The following ANO10 variants were observed in gnomAD, a reference collection of about 807,000 sequenced individuals.
ANO10 encodes anoctamin 10.
A neutral mutation model predicts 74.7 loss-of-function variants in ANO10; 77 were observed. That is an observed-to-expected ratio of 1.03 (90% confidence interval 0.86 to 1.25). ANO10 has a LOEUF of 1.25. ANO10 is among the 50% of genes most tolerant of loss of function. The pLI is 0.00. For synonymous variants in ANO10, 279 were observed against 284.9 expected, an observed-to-expected ratio of 0.98 and a Z score of 0.21; for missense variants, 721 against 778.1, an observed-to-expected ratio of 0.93 and a Z score of 0.87.
In ANO10 at chr3:43,366,887, AGCTGGGCAC is replaced by A. The variant is rs141722980; in HGVS notation, c.*10_*18del. ...AGACACAGGCCTCTGCCAACAGGGC[AGCTGGGCAC>A]GCTGGGCACTCAGGTTGCCTTCTCC... On this transcript the variant is annotated 3_prime_UTR_variant, in exon 13 of 13. Coordinates refer to ENST00000292246, the MANE Select transcript of ANO10 (RefSeq NM_018075.5). The A allele has an allele frequency of 4.5e-6, 7 of 1,572,664 alleles. No homozygotes were observed. Among genetic ancestry groups the A allele is most frequent in the Non-Finnish European group, 6.0e-6 (7 of 1,158,734 alleles).
chr3:43,442,035 A>G (rs1437428136), intron 11 of ANO10, among the ~76,000 whole-genome samples: 2 of 152,188 alleles, frequency 1.3e-5, no homozygotes, highest in African/African-American at 2.4e-5. Flanking sequence ...AAAAGCCTAG[A>G]GCTAACGTCA....
chr3:43,643,641 A>G (rs2149564725), intron 1 of ANO10, among the ~76,000 whole-genome samples: 2 of 144,618 alleles, frequency 1.4e-5, no homozygotes, highest in South Asian at 4.4e-4. Flanking sequence ...TTTGGAGCTT[A>G]TCCATTGTTA....
rs367909653 is a variant in ANO10, at chr3:43,523,157, C to T, written c.1797+26563G>A. ...GCAAACCAATATTCAAACCTGTCAA[C>T]TTAAGCTAAGTATGCCTGAAAAGGG... is the stretch of plus-strand genomic sequence containing the variant. On this transcript the variant is annotated intron_variant, in intron 11 of 12. Transcript: ENST00000292246. 1.1e-4 allele frequency among the ~76,000 whole-genome samples: 16 copies of T among 152,266 alleles called. 1 individual carries two copies. Among genetic ancestry groups the T allele is most frequent in the East Asian group, 7.7e-4 (4 of 5,176 alleles).
At chr3:43,469,672 G>A (rs932619510) in intron 11 of ANO10, among the ~76,000 whole-genome samples, 1 of 152,118 alleles carries the variant, frequency 6.6e-6, no homozygotes, top group Non-Finnish European at 1.5e-5. Flanking sequence ...CCCCCACTAA[G>A]GAAGTCCATG....
chr3:43,467,949 ACT>A (rs1226602431), intron 11 of ANO10, among the ~76,000 whole-genome samples: 1 of 152,230 alleles, frequency 6.6e-6, no homozygotes, highest in East Asian at 1.9e-4. Flanking sequence ...ATGGAAAAAC[ACT>A]GACACTTTAT....
intron 4 of ANO10, among the ~76,000 whole-genome samples, chr3:43,587,516 C>T (rs577302949): frequency 2.2e-4 from 34 of 152,238 alleles, no homozygotes; most frequent in African/African-American, 7.0e-4. Context: ...TGGGACCTGA[C>T]GGATCATAGC....
At chr3:43,612,079 G>A (rs550987472) in intron 1 of ANO10, among the ~76,000 whole-genome samples, 300 of 141,078 alleles carry the variant, frequency 2.1e-3, no homozygotes, top group Middle Eastern at 4.0e-3. Flanking sequence ...ACCACTATCT[G>A]CAAAAATATG....
At position 43,549,818 on chromosome 3, in the gene ANO10, C is replaced by A. The variant is rs1228869520; in HGVS notation, c.1699G>T (p.Val567Leu). Residue 567 changes from valine (V) to leucine (L), a missense_variant, in exon 11 of 13, where the codon GTG becomes TTG. By Grantham distance (32) the Val-to-Leu change is conservative. Coordinates refer to ENST00000292246, the MANE Select transcript of ANO10 (RefSeq NM_018075.5). The stretch of plus-strand genomic sequence containing the variant: ...CCAATCAGCGCACAGTTAGTGACCA[C>A]AGATATAACACTCATCGTTTCAAAA... Reference protein sequence around the residue: ...LAFETMSVISVVTNCALIGMS... With the variant: ...LAFETMSVISLVTNCALIGMS... The A allele has an allele frequency of 6.2e-7, 1 of 1,613,950 alleles. No homozygotes were observed. Among genetic ancestry groups the A allele is most frequent in the Non-Finnish European group, 8.5e-7 (1 of 1,179,888 alleles).
At chr3:43,530,371 G>C (rs972876105) in intron 11 of ANO10, among the ~76,000 whole-genome samples, 1 of 150,774 alleles carries the variant, frequency 6.6e-6, no homozygotes, top group Non-Finnish European at 1.5e-5. Context: ...TACACGTTAT[G>C]TTTAACAGGA....
chr3:43,416,712 T>C (rs1044166033), intron 12 of ANO10, among the ~76,000 whole-genome samples: 1 of 152,194 alleles, frequency 6.6e-6, no homozygotes, highest in Non-Finnish European at 1.5e-5. Context: ...AAACATGACA[T>C]AGTCAGAACC....
intron 8 of ANO10, among the ~76,000 whole-genome samples, chr3:43,562,551 C>G (rs902540459): frequency 1.3e-5 from 2 of 150,824 alleles, no homozygotes; most frequent in Non-Finnish European, 2.9e-5. Flanking sequence ...CGTGGTGGCG[C>G]ACATCTGTAA....
At chr3:43,420,550 T>G (rs1171669905) in intron 12 of ANO10, among the ~76,000 whole-genome samples, 1 of 152,142 alleles carries the variant, frequency 6.6e-6, no homozygotes, top group African/African-American at 2.4e-5. Flanking sequence ...GAATACTGTT[T>G]GTTACAGTAA....
rs563795884 is a variant in ANO10, at chr3:43,685,548, A to G, written c.-12+5969T>C. ...ACATGAGAAAGGTCAGACCCCCAGA[A>G]GTTAAATTCCTGGGCCACAGAGTAT... On this transcript the variant is annotated intron_variant, in intron 1 of 3. Coordinates refer to the ANO10 transcript ENST00000413397. Among the ~76,000 whole-genome samples the G allele has an allele frequency of 7.1e-4, 108 of 152,322 alleles. 1 individual carries two copies. The highest frequency in any genetic ancestry group is 2.5e-3 in the African/African-American group (105 of 41,572).
Position 43,567,500 on chromosome 3 carries a change from C to T in ANO10, c.1219-1773G>A, listed in dbSNP as rs567636499. ...AGCAGATCTCTCGGCAGAAACTCTA[C>T]AAGCCAGAAGAGAGTGGGGGCCAAT... On this transcript the variant is annotated intron_variant, in intron 7 of 12. Coordinates refer to ENST00000292246, the MANE Select transcript of ANO10 (RefSeq NM_018075.5). Among the ~76,000 whole-genome samples, 1,430 of 152,166 alleles carry T rather than the reference C, an allele frequency of 9.4e-3. 21 individuals carry two copies. The highest frequency in any genetic ancestry group is 0.031 in the African/African-American group (1,305 of 41,478).
chr3:43,405,408 T>G (rs2092558823), intron 12 of ANO10, among the ~76,000 whole-genome samples: 1 of 152,234 alleles, frequency 6.6e-6, no homozygotes, highest in Non-Finnish European at 1.5e-5. Flanking sequence ...ATCCATGAAC[T>G]CACTGTGTTG....
intron 1 of ANO10, among the ~76,000 whole-genome samples, chr3:43,679,449 G>A (rs905583178): frequency 4.6e-5 from 7 of 152,196 alleles, no homozygotes; most frequent in African/African-American, 1.4e-4. Flanking sequence ...TGGGAAGCTC[G>A]AACTGGGTAG....
chr3:43,472,890 A>G (rs1322474849), intron 11 of ANO10, among the ~76,000 whole-genome samples: 1 of 152,180 alleles, frequency 6.6e-6, no homozygotes, highest in South Asian at 2.1e-4. Flanking sequence ...CAAGAAGTTC[A>G]TTTTTTAAAA....
At chr3:43,598,213 C>T (rs911898236) in intron 4 of ANO10, among the ~76,000 whole-genome samples, 4 of 152,170 alleles carry the variant, frequency 2.6e-5, no homozygotes, top group Non-Finnish European at 2.9e-5. Context: ...CTTTTATATT[C>T]CTCCACAGAT....
chr3:43,615,197 A>C (rs1446694293), intron 1 of ANO10, among the ~76,000 whole-genome samples: 1 of 152,140 alleles, frequency 6.6e-6, no homozygotes, highest in East Asian at 1.9e-4. Context: ...CACCCCTTGA[A>C]GAAGAAACTT....
Sources: allele counts gnomAD v4.1 joint callset (sites outside exome capture counted in the v4.1 genomes callset), GRCh38; gene constraint gnomAD v4.1.1; transcripts MANE v1.5; gene names NCBI Gene and HGNC (gene_info 2026-07-23, HGNC 2026-07-21).